Variants in SETD3 observed in about 807,000 individuals in gnomAD.
SETD3 encodes SET domain containing 3, actin N3(tau)-histidine methyltransferase.
SETD3 carries 19 observed loss-of-function variants against 63.0 expected under a neutral mutation model. That is an observed-to-expected ratio of 0.30 (90% CI 0.21 to 0.44). SETD3 has a LOEUF of 0.44. Among genes scored for constraint, SETD3 ranks in the 20% least tolerant of loss-of-function variants. The pLI is 1.00. For missense variants in SETD3, 587 were observed against 728.5 expected (o/e 0.81, Z 2.24); for synonymous variants, 286 against 264.1 (o/e 1.08, Z -0.80).
At chr14:99,447,538 C>T (rs192017558) in intron 6 of SETD3, among the ~76,000 whole-genome samples, 1 of 152,326 alleles carries the variant, frequency 6.6e-6, no homozygotes, top group Admixed American at 6.5e-5. Context: ...GCAGTGCTTA[C>T]ACACTGAACA....
chr14:99,436,128 G>C, intron 6 of SETD3, among the ~76,000 whole-genome samples: 1 of 152,002 alleles, frequency 6.6e-6, no homozygotes, highest in South Asian at 2.1e-4. Context: ...AACAACATGG[G>C]GGAAACCGCC....
At chr14:99,469,661 C>T (rs534388429) in intron 1 of SETD3, among the ~76,000 whole-genome samples, 32 of 152,172 alleles carry the variant, frequency 2.1e-4, no homozygotes, top group Non-Finnish European at 4.4e-4. Flanking sequence ...TGGGAGGATC[C>T]CTTCAGCCCA....
intron 1 of SETD3, among the ~76,000 whole-genome samples, chr14:99,470,322 G>C (rs1318621963): frequency 6.6e-6 from 1 of 152,228 alleles, no homozygotes; most frequent in Non-Finnish European, 1.5e-5. Flanking sequence ...AGATGCTAAA[G>C]AGTTGGCTTA....
chr14:99,460,800 C>A (rs2139779308), intron 4 of SETD3, among the ~76,000 whole-genome samples: 1 of 152,332 alleles, frequency 6.6e-6, no homozygotes, highest in Admixed American at 6.5e-5. Flanking sequence ...GCCTCATAGT[C>A]ATCCATTTCA....
intron 6 of SETD3, among the ~76,000 whole-genome samples, chr14:99,443,852 G>A (rs992516791): frequency 1.3e-5 from 2 of 152,106 alleles, no homozygotes; most frequent in East Asian, 1.9e-4. Flanking sequence ...TAGTCTTCTC[G>A]CTCTGGAAAG....
At chr14:99,422,569 G>A (rs1034503636) in intron 6 of SETD3, among the ~76,000 whole-genome samples, 5 of 152,106 alleles carry the variant, frequency 3.3e-5, no homozygotes, top group Non-Finnish European at 7.4e-5. Flanking sequence ...TAGACTGTTG[G>A]GGTTCTAACA....
chr14:99,403,992 G>A (rs1323207456), intron 11 of SETD3, among the ~76,000 whole-genome samples: 1 of 152,192 alleles, frequency 6.6e-6, no homozygotes, highest in African/African-American at 2.4e-5. Context: ...TTCAAATGCA[G>A]TTGAGAATTA....
At chr14:99,467,899 T>TC (rs1895482169) in intron 1 of SETD3, among the ~76,000 whole-genome samples, 1 of 152,056 alleles carries the variant, frequency 6.6e-6, no homozygotes, top group African/African-American at 2.4e-5. Flanking sequence ...TCCACCCAAC[T>TC]CCAGTTGCTC....
chr14:99,462,626 G>A (rs1223478951), intron 3 of SETD3, among the ~76,000 whole-genome samples: 1 of 152,186 alleles, frequency 6.6e-6, no homozygotes, highest in Non-Finnish European at 1.5e-5. Context: ...TGGTGACAAA[G>A]GATTAGCACA....
intron 2 of SETD3, among the ~76,000 whole-genome samples, chr14:99,464,719 C>A (rs763281306): frequency 6.6e-6 from 1 of 152,264 alleles, no homozygotes. Context: ...AGCCAAGGCA[C>A]TAATTGCACC....
chr14:99,480,103 G>A (rs555697938), intron 1 of SETD3, among the ~76,000 whole-genome samples: 22 of 152,342 alleles, frequency 1.4e-4, no homozygotes, highest in African/African-American at 5.1e-4. Flanking sequence ...TGGGAAGAAA[G>A]ACGACCTATT....
chr14:99,462,619 T>C (rs1053356784), intron 3 of SETD3, among the ~76,000 whole-genome samples: 1 of 152,210 alleles, frequency 6.6e-6, no homozygotes, highest in Non-Finnish European at 1.5e-5. Flanking sequence ...ACCCACTTGG[T>C]GACAAAGGAT....
chr14:99,409,800 A>T (rs1238724504), intron 8 of SETD3: 1 of 155,626 alleles, frequency 6.4e-6, no homozygotes, highest in Non-Finnish European at 1.4e-5. Flanking sequence ...AAAAAAGATC[A>T]CAATCACGTT....
chr14:99,463,610 TTCTC>T (rs1295693173), intron 2 of SETD3, 32 bp from the exon 3 acceptor site: 1 of 1,545,090 alleles, frequency 6.5e-7, no homozygotes, highest in East Asian at 2.2e-5. Context: ...ACTGAAACAC[TTCTC>T]TCTTTCAACT....
At position 99,463,508 on chromosome 14, in the gene SETD3, C is replaced by A. The variant is rs770957696; in HGVS notation, c.174G>T (p.Glu58Asp). 2 of 1,613,892 alleles carry A rather than the reference C, an allele frequency of 1.2e-6. No individual in the cohort carries two copies. Among genetic ancestry groups the A allele is most frequent in the African/African-American group, 1.3e-5 (1 of 75,048 alleles). ...TACCTTTTTGCTTTTTCCGTATTTT[C>A]TCAACCAGAGTCCGGATCTGCACAT... is the stretch of plus-strand genomic sequence containing the variant. ...EEYVQIRTLVEKIRKKQKGLS... is the reference protein window; with the variant it reads ...EEYVQIRTLVDKIRKKQKGLS... Residue 58 changes from glutamate to aspartate, a missense_variant, in exon 3 of 13, where the codon GAG (glutamate) becomes GAT (aspartate). Coordinates refer to ENST00000331768, the MANE Select transcript of SETD3 (RefSeq NM_032233.3).
At chr14:99,426,888 C>G (rs548918740) in intron 6 of SETD3, among the ~76,000 whole-genome samples, 1 of 152,142 alleles carries the variant, frequency 6.6e-6, no homozygotes, top group African/African-American at 2.4e-5. Context: ...GCTCGGCCAA[C>G]GAGGGCAGAG....
intron 6 of SETD3, among the ~76,000 whole-genome samples, chr14:99,424,967 C>T (rs1892800859): frequency 6.6e-6 from 1 of 152,008 alleles, no homozygotes. Context: ...ACTCAGCACC[C>T]GGGAGCAGAA....
chr14:99,446,765 G>C (rs1418156958), intron 6 of SETD3, among the ~76,000 whole-genome samples: 1 of 152,112 alleles, frequency 6.6e-6, no homozygotes, highest in Non-Finnish European at 1.5e-5. Context: ...CTTCCAGTGA[G>C]AAGGGTCAGC....
rs1895187851 is a variant in SETD3, at chr14:99,463,442, T to A, written c.196+44A>T. On this transcript the variant is annotated intron_variant, in intron 3 of 12. Transcript: ENST00000331768. ...CAACCCTTTGACCTAATCAAGTTTC[T>A]ACATGACATTATTAAAATACAGTTA... 5 of 1,486,380 alleles carry A rather than the reference T, an allele frequency of 3.4e-6. 1 individual carries two copies. The Admixed American group carries it at 9.0e-5, about 27-fold the overall frequency. The allele number at this position is 1,486,380 out of a possible 1,614,324, so 92.1% of individuals were successfully genotyped here.
Sources: allele counts gnomAD v4.1 joint callset (sites outside exome capture counted in the v4.1 genomes callset), GRCh38; gene constraint gnomAD v4.1.1; transcripts MANE v1.5; gene names NCBI Gene and HGNC (gene_info 2026-07-23, HGNC 2026-07-21).